PDK1: variants seen among roughly 807,000 people sequenced by gnomAD.
PDK1 encodes the protein [Pyruvate dehydrogenase (acetyl-transferring)] kinase isozyme 1, mitochondrial.
In PDK1, 39 loss-of-function variants were observed where a neutral mutation model predicts 54.2. That is an observed-to-expected ratio of 0.72 (90% CI 0.56 to 0.94). The LOEUF is 0.94. PDK1 is among the 40% of genes least tolerant of loss of function. The pLI, the probability that PDK1 is intolerant of heterozygous loss-of-function variation, is 0.00. For missense variants in PDK1, 552 were observed against 566.0 expected (o/e 0.98, Z 0.25); for synonymous variants, 221 against 207.1 (o/e 1.07, Z -0.58).
chr2:172,568,157 C>T (rs998994683), intron 6 of PDK1, among the ~76,000 whole-genome samples: 1 of 151,562 alleles, frequency 6.6e-6, no homozygotes, highest in Non-Finnish European at 1.5e-5. Context: ...TATGGTGAAA[C>T]CCGTCTCTAC....
chr2:172,655,110 G>A, the PDK1 span, among the ~76,000 whole-genome samples: 1 of 152,166 alleles, frequency 6.6e-6, no homozygotes, highest in Admixed American at 6.5e-5. Flanking sequence ...CCCACCTTTT[G>A]GAGCTCCCCC....
intron 8 of PDK1, among the ~76,000 whole-genome samples, chr2:172,575,794 C>T (rs1689546149): frequency 6.6e-6 from 1 of 152,040 alleles, no homozygotes; most frequent in Admixed American, 6.6e-5. Context: ...TGCTTTCTAG[C>T]CTGGGTGACA....
At chr2:172,563,626 G>A (rs1574468938) in intron 3 of PDK1, among the ~76,000 whole-genome samples, 1 of 152,182 alleles carries the variant, frequency 6.6e-6, no homozygotes, top group South Asian at 2.1e-4. Flanking sequence ...CTGAGGTCGG[G>A]AGTTCGAGAC....
chr2:172,631,284 G>T, the PDK1 span, among the ~76,000 whole-genome samples: 3 of 152,162 alleles, frequency 2.0e-5, no homozygotes, highest in Admixed American at 6.5e-5. Context: ...CAATTAGTTT[G>T]TTTGGCTTGT....
At position 172,568,824 on chromosome 2, in the gene PDK1, A is replaced by C. The variant is rs747967086; in HGVS notation, c.846+7A>C. On this transcript the variant is annotated splice_region_variant and intron_variant, in intron 7 of 10. Transcript: ENST00000282077. ...GGTGTTTGAACTTTTCAAGGTTTGT[A>C]AAATAGTATTACATAACCTTTACCA... 3 of 1,515,644 alleles carry C rather than the reference A, an allele frequency of 2.0e-6. No individual in the cohort carries two copies. In the South Asian group the frequency reaches 3.4e-5, roughly 17 times the overall value. 93.9% of individuals were successfully genotyped at this position (1,515,644 alleles called of 1,614,324 possible).
chr2:172,641,083 ATCCC>A, the PDK1 span, among the ~76,000 whole-genome samples: 8,260 of 89,778 alleles, frequency 0.092, 730 homozygotes, highest in African/African-American at 0.26. Flanking sequence ...CTCTCTTTCC[ATCCC>A]TCCCTCCCTC....
At chr2:172,581,446 G>T (rs1048456035) in intron 8 of PDK1, among the ~76,000 whole-genome samples, 3 of 152,076 alleles carry the variant, frequency 2.0e-5, no homozygotes, top group Admixed American at 2.0e-4. Context: ...GCTTGTAAAG[G>T]TCTCAAAAAA....
the PDK1 span, chr2:172,677,369 C>A: frequency 6.6e-6 from 1 of 152,322 alleles, no homozygotes; most frequent in East Asian, 1.9e-4. Context: ...TTTGCTGAAG[C>A]CTTTCTTCCA....
chr2:172,724,298 C>T, the PDK1 span: 3 of 120,054 alleles, frequency 2.5e-5, no homozygotes, highest in African/African-American at 1.0e-4. Flanking sequence ...AAAAGTGAGT[C>T]ATTTCAAACA....
the PDK1 span, among the ~76,000 whole-genome samples, chr2:172,708,320 A>G: frequency 1.3e-5 from 2 of 152,120 alleles, no homozygotes; most frequent in African/African-American, 4.8e-5. Context: ...AGTGATAGAT[A>G]ATTAAATTAA....
chr2:172,579,711 T>G (rs184694765), intron 8 of PDK1, among the ~76,000 whole-genome samples: 1,832 of 151,852 alleles, frequency 0.012, 13 homozygotes, highest in Middle Eastern at 0.034. Flanking sequence ...TAACTTTTTT[T>G]TTTTTCTTTT....
the PDK1 span, among the ~76,000 whole-genome samples, chr2:172,626,165 T>C: frequency 6.6e-6 from 1 of 152,212 alleles, no homozygotes. Context: ...ACTAAGTTTA[T>C]TTATTTTTCG....
At position 172,562,237 on chromosome 2, in the gene PDK1, A is replaced by G; in HGVS notation, c.356A>G (p.Gln119Arg). 6.3e-7 allele frequency: 1 copy of G among 1,592,428 alleles called. No homozygotes were observed. Among genetic ancestry groups the G allele is most frequent in the Non-Finnish European group, 8.6e-7 (1 of 1,160,546 alleles). ...LVQSWYIQSL[Q>R]ELLDFKDKSA... Reference sequence around the variant, plus strand: ...CATTTTAGGTATATCCAGAGTCTTCAGGAGCTTCTTGATTTTAAGGACAAA... The same window carrying G: ...CATTTTAGGTATATCCAGAGTCTTCGGGAGCTTCTTGATTTTAAGGACAAA... The change falls in exon 3 of 11, where the codon CAG (glutamine) becomes CGG (arginine). Residue 119 changes from glutamine to arginine, a missense_variant. By Grantham distance (43) the Gln-to-Arg change is conservative (BLOSUM62 1). Coordinates refer to ENST00000282077, the MANE Select transcript of PDK1 (RefSeq NM_002610.5).
At chr2:172,627,726 T>C in the PDK1 span, among the ~76,000 whole-genome samples, 4 of 152,156 alleles carry the variant, frequency 2.6e-5, no homozygotes, top group African/African-American at 9.7e-5. Context: ...CGCAAGAAGG[T>C]AGCCTAAAGC....
chr2:172,693,410 G>C, the PDK1 span, among the ~76,000 whole-genome samples: 2 of 152,216 alleles, frequency 1.3e-5, no homozygotes, highest in East Asian at 1.9e-4. Context: ...CCCTGGGCAA[G>C]ATACTTGACT....
the PDK1 span, among the ~76,000 whole-genome samples, chr2:172,624,569 T>C: frequency 6.6e-6 from 1 of 152,148 alleles, no homozygotes; most frequent in African/African-American, 2.4e-5. Flanking sequence ...AACCAGTCCC[T>C]GGTGCCAAAA....
At chr2:172,688,813 T>C in the PDK1 span, among the ~76,000 whole-genome samples, 6,383 of 152,130 alleles carry the variant, frequency 0.042, 448 homozygotes, top group African/African-American at 0.15. Flanking sequence ...GAATCCCACA[T>C]GGCAGCCAGA....
At chr2:172,715,205 C>T in the PDK1 span, among the ~76,000 whole-genome samples, 1 of 152,174 alleles carries the variant, frequency 6.6e-6, no homozygotes, top group African/African-American at 2.4e-5. Context: ...ACTGACACCC[C>T]AGGCCAAGAC....
At position 172,586,750 on chromosome 2, in the gene PDK1, C is replaced by G. The variant is rs564101344; in HGVS notation, c.1056+362C>G. 2.3e-3 allele frequency among the ~76,000 whole-genome samples: 344 copies of G among 152,212 alleles called. 1 individual carries two copies. The highest frequency in any genetic ancestry group is 2.7e-3 in the Non-Finnish European group (185 of 67,990). On this transcript the variant is annotated intron_variant, in intron 9 of 10. Coordinates refer to ENST00000282077, the MANE Select transcript of PDK1 (RefSeq NM_002610.5). ...ACACTGAATTACTTTTTAGTGTTGA[C>G]TTTTTTCTCAAGTACTTGTCATTAG...
Sources: gnomAD v4.1 joint callset for allele counts (sites outside exome capture counted in the v4.1 genomes callset) on GRCh38, gnomAD v4.1.1 for gene constraint, MANE v1.5 for transcripts, NCBI Gene and HGNC (gene_info 2026-07-23, HGNC 2026-07-21) for gene names.